Variants in C2orf49 observed in about 807,000 individuals in gnomAD.
C2orf49 encodes tRNA-splicing ligase complex subunit ASW.
C2orf49 carries 11 observed loss-of-function variants against 20.6 expected under a neutral mutation model. The ratio of observed to expected loss-of-function variants is 0.53; its 90% CI spans 0.34 to 0.88. The LOEUF is 0.88. C2orf49 is among the 40% of genes least tolerant of loss of function. The pLI is 0.02. For missense variants in C2orf49, 289 were observed against 274.2 expected (o/e 1.05, Z -0.38); for synonymous variants, 134 against 108.5 (o/e 1.24, Z -1.46).
chr2:105,367,748 A>G, the C2orf49 span: 1 of 1,611,990 alleles, frequency 6.2e-7, no homozygotes, highest in East Asian at 2.2e-5. Flanking sequence ...ACCTGTCATC[A>G]GGGTCAAGAG....
the C2orf49 span, among the ~76,000 whole-genome samples, chr2:105,377,272 T>C: frequency 6.6e-6 from 1 of 152,204 alleles, no homozygotes; most frequent in Non-Finnish European, 1.5e-5. Context: ...TGAACAGTAC[T>C]CTTAACAGTG....
chr2:105,378,417 G>T, the C2orf49 span: 1 of 339,444 alleles, frequency 2.9e-6, no homozygotes, highest in Non-Finnish European at 5.8e-6. Flanking sequence ...AGGACAACCT[G>T]GTCTGCTATA....
At chr2:105,371,201 C>G in the C2orf49 span, among the ~76,000 whole-genome samples, 2 of 151,990 alleles carry the variant, frequency 1.3e-5, no homozygotes, top group East Asian at 3.8e-4. Context: ...GTTGTTTGGT[C>G]AAAAAACAGG....
the C2orf49 span, among the ~76,000 whole-genome samples, chr2:105,356,465 C>A: frequency 6.6e-6 from 1 of 152,052 alleles, no homozygotes. Flanking sequence ...GCCCTAGCTA[C>A]TTGAGAGGCT....
chr2:105,383,552 C>T, the C2orf49 span, among the ~76,000 whole-genome samples: 3 of 152,274 alleles, frequency 2.0e-5, no homozygotes, highest in Non-Finnish European at 4.4e-5. Flanking sequence ...TAGCCTAATT[C>T]CCATAGGCAT....
chr2:105,348,231 C>T lies in C2orf49; in HGVS notation c.*2860C>T, dbSNP rs975099314. 1.4e-4 allele frequency: 21 copies of T among 152,186 alleles called. No homozygotes were observed. Among genetic ancestry groups the T allele is most frequent in the South Asian group, 2.1e-4 (1 of 4,820 alleles). 9.4% of individuals were successfully genotyped at this position (152,186 alleles called of 1,614,324 possible). A position where few individuals can be genotyped will look rare whatever the true frequency, so the allele number is the denominator to read the frequency against. ...GTGTGAATTCTGGAAAGTCTCAGGTCCCTACCAGGGCACTGAATGGCTTCT... is the reference window on the plus strand; with the variant it reads ...GTGTGAATTCTGGAAAGTCTCAGGTTCCTACCAGGGCACTGAATGGCTTCT... On this transcript the variant is annotated 3_prime_UTR_variant, in exon 4 of 4. Transcript: ENST00000258457.
the C2orf49 span, among the ~76,000 whole-genome samples, chr2:105,365,334 G>A: frequency 1.3e-5 from 2 of 152,190 alleles, no homozygotes; most frequent in Non-Finnish European, 2.9e-5. Context: ...GTGCCTGAGA[G>A]GGCCAAGTTC....
chr2:105,339,793 A>T, intron 2 of C2orf49, 44 bp downstream of exon 2: 5 of 1,432,574 alleles, frequency 3.5e-6, no homozygotes, highest in Admixed American at 2.5e-5. Context: ...TTATATAACT[A>T]AAGTTATATA....
At chr2:105,349,959 A>C (rs1558670088), downstream of C2orf49, among the ~76,000 whole-genome samples, 1 of 152,170 alleles carries the variant, frequency 6.6e-6, no homozygotes, top group Non-Finnish European at 1.5e-5. Flanking sequence ...TGCTTTGATC[A>C]AGTGAATGCT....
the C2orf49 span, among the ~76,000 whole-genome samples, chr2:105,366,081 C>T: frequency 9.2e-5 from 14 of 151,590 alleles, no homozygotes; most frequent in South Asian, 4.2e-4. Context: ...TGGTGACGCA[C>T]GCCTGTAATC....
At chr2:105,369,651 A>G in the C2orf49 span, among the ~76,000 whole-genome samples, 5 of 152,372 alleles carry the variant, frequency 3.3e-5, no homozygotes, top group Admixed American at 2.6e-4. Flanking sequence ...AAGTAAAAAT[A>G]GTGGAAGGAC....
At chr2:105,360,410 T>G in the C2orf49 span, 4 of 151,636 alleles carry the variant, frequency 2.6e-5, no homozygotes, top group African/African-American at 9.7e-5. Flanking sequence ...AGGCTGGAGT[T>G]CAGTGGTGCC....
At chr2:105,367,523 G>A in the C2orf49 span, 2 of 1,557,206 alleles carry the variant, frequency 1.3e-6, no homozygotes, top group Non-Finnish European at 1.7e-6. Context: ...GGACCATGGA[G>A]GCAAACCAGC....
chr2:105,373,737 TG>T, the C2orf49 span: 1 of 1,613,566 alleles, frequency 6.2e-7, no homozygotes, highest in Non-Finnish European at 8.5e-7. Context: ...ACAAGTCCTG[TG>T]GGGCCAGACC....
intron 1 of C2orf49, among the ~76,000 whole-genome samples, chr2:105,338,764 C>T (rs1679576896): frequency 6.6e-6 from 1 of 152,174 alleles, no homozygotes; most frequent in East Asian, 1.9e-4. Context: ...AGGATATAGG[C>T]TTGTCGGTGG....
the C2orf49 span, among the ~76,000 whole-genome samples, chr2:105,384,739 C>T: frequency 6.6e-6 from 1 of 152,244 alleles, no homozygotes; most frequent in Admixed American, 6.5e-5. Context: ...AACTCCCGGC[C>T]TCAATTGATT....
chr2:105,374,039 A>G, the C2orf49 span: 1 of 393,310 alleles, frequency 2.5e-6, no homozygotes. Flanking sequence ...CAAGAAAGAG[A>G]AACAGAAAAC....
chr2:105,355,768 TTTTGTGTGTGTG>T, the C2orf49 span, among the ~76,000 whole-genome samples: 720 of 100,580 alleles, frequency 7.2e-3, 2 homozygotes, highest in African/African-American at 0.022. Context: ...GGAGAAAAAA[TTTTGTGTGTGTG>T]TGTGTGTGTG....
At chr2:105,363,305 C>G in the C2orf49 span, 1 of 1,613,956 alleles carries the variant, frequency 6.2e-7, no homozygotes, top group African/African-American at 1.3e-5. Context: ...GTTGGTGCAC[C>G]CAGCACACTT....
Sources: allele counts gnomAD v4.1 joint callset (sites outside exome capture counted in the v4.1 genomes callset), GRCh38; gene constraint gnomAD v4.1.1; transcripts MANE v1.5; gene names NCBI Gene and HGNC (gene_info 2026-07-23, HGNC 2026-07-21).